Variants in CTNNA3 observed in about 807,000 individuals in gnomAD.
CTNNA3 encodes catenin alpha 3, also known as catenin alpha-3.
In CTNNA3, 76 loss-of-function variants were observed where a neutral mutation model predicts 95.7. The ratio of observed to expected loss-of-function variants is 0.79; its 90% CI spans 0.66 to 0.96. The LOEUF is 0.96. Among genes scored for constraint, CTNNA3 ranks in the 40% least tolerant of loss-of-function variants. The probability of loss-of-function intolerance (pLI) is 0.00; values close to 1 mark genes in which losing one functional copy is unlikely to be tolerated. For synonymous variants in CTNNA3, 431 were observed against 374.4 expected (o/e 1.15, Z -1.74); for missense variants, 1,191 against 1,089.8 (o/e 1.09, Z -1.31).
intron 7 of CTNNA3, among the ~76,000 whole-genome samples, chr10:66,778,339 A>T (rs1280318018): frequency 1.2e-4 from 18 of 152,098 alleles, no homozygotes; most frequent in Admixed American, 1.2e-3. Context: ...AAAGGCCCTC[A>T]TTCCTTCTTT....
rs144728682 is a variant in CTNNA3, at chr10:67,193,127, G to T, written c.844-12607C>A. Among the ~76,000 whole-genome samples, 389 of 152,084 alleles carry T rather than the reference G, an allele frequency of 2.6e-3. 3 individuals are homozygous for T. The highest frequency in any genetic ancestry group is 8.5e-3 in the African/African-American group (354 of 41,526). On this transcript the variant is annotated intron_variant, in intron 6 of 17. Coordinates refer to ENST00000433211, the MANE Select transcript of CTNNA3 (RefSeq NM_013266.4). ...GATGAGAGGGTGTGGGAAATGGGGA[G>T]ATGTTGACCAGTGGGGGCAAACTTT...
chr10:66,060,651 A>G (rs1005537667), intron 15 of CTNNA3, among the ~76,000 whole-genome samples: 2 of 152,076 alleles, frequency 1.3e-5, no homozygotes, highest in African/African-American at 4.8e-5. Flanking sequence ...AAACTTGGGG[A>G]TGAAGAGAGG....
At chr10:66,304,644 A>AG (rs1333707193) in intron 12 of CTNNA3, among the ~76,000 whole-genome samples, 1 of 152,172 alleles carries the variant, frequency 6.6e-6, no homozygotes, top group Non-Finnish European at 1.5e-5. Flanking sequence ...GATTAAAAAA[A>AG]TAAAATTTGA....
chr10:66,927,404 A>T lies in CTNNA3; in HGVS notation c.1048-151880T>A. The T allele has an allele frequency of 6.2e-7, 1 of 1,614,144 alleles. No homozygotes were observed. The highest frequency in any genetic ancestry group is 8.5e-7 in the Non-Finnish European group (1 of 1,180,028). On this transcript the variant is annotated intron_variant, in intron 7 of 17. Transcript: ENST00000433211. The surrounding 1 kb of genome is among the most constrained non-coding windows in gnomAD (Gnocchi z 4.7). ...GGCTTGCGGAAGCTGCTGAGTTTAC[A>T]TTTACGGTCTAACTCCCTGAGAACC...
chr10:66,449,814 T>C (rs1375346593), intron 11 of CTNNA3, among the ~76,000 whole-genome samples: 1 of 151,976 alleles, frequency 6.6e-6, no homozygotes, highest in Non-Finnish European at 1.5e-5. Flanking sequence ...CAAGAATACA[T>C]GCATTTCTTT....
intron 5 of CTNNA3, among the ~76,000 whole-genome samples, chr10:67,387,201 G>A (rs1033471894): frequency 1.4e-4 from 22 of 152,264 alleles, no homozygotes; most frequent in African/African-American, 4.8e-4. Context: ...GTGGGTGCGC[G>A]CACCGTGCAC....
At chr10:67,258,279 G>A (rs888502063) in intron 5 of CTNNA3, among the ~76,000 whole-genome samples, 41 of 152,088 alleles carry the variant, frequency 2.7e-4, no homozygotes, top group Middle Eastern at 3.4e-3. Flanking sequence ...GAGTAGCTGG[G>A]ACTACAGGTG....
intron 2 of CTNNA3, among the ~76,000 whole-genome samples, chr10:67,644,882 T>C (rs1309250970): frequency 6.6e-6 from 1 of 152,160 alleles, no homozygotes; most frequent in Admixed American, 6.6e-5. Context: ...TTTGAAAACA[T>C]TGACATCAAT....
intron 5 of CTNNA3, among the ~76,000 whole-genome samples, chr10:67,421,137 A>T (rs935113862): frequency 1.3e-5 from 2 of 152,220 alleles, no homozygotes; most frequent in Non-Finnish European, 1.5e-5. Flanking sequence ...ATCAAAAGAC[A>T]TCAATAAAAT....
At chr10:67,062,608 T>C (rs981373179) in intron 7 of CTNNA3, among the ~76,000 whole-genome samples, 2 of 152,172 alleles carry the variant, frequency 1.3e-5, no homozygotes, top group Non-Finnish European at 2.9e-5. Context: ...GGGAAACATC[T>C]GGATGACCTC....
intron 13 of CTNNA3, among the ~76,000 whole-genome samples, chr10:66,222,622 A>AAGAAAGAAAGAAAGAAAAAG (rs1554895442): frequency 3.1e-5 from 2 of 65,286 alleles, no homozygotes; most frequent in East Asian, 7.2e-4. Context: ...GAAAGAAAGA[A>AAGAAAGAAAGAAAGAAAAAG]AAAGAAAGAA....
Position 67,606,026 on chromosome 10 carries a change from T to C in CTNNA3, c.292+831A>G, listed in dbSNP as rs184572593. On this transcript the variant is annotated intron_variant, in intron 3 of 17. Transcript: ENST00000433211. ...CATGTGACATAAAGCTTATTGTTAC[T>C]AGTATATTCATTTTAATTATTTAAT... 3.3e-5 allele frequency among the ~76,000 whole-genome samples: 5 copies of C among 152,348 alleles called. No individual in the cohort carries two copies. In the East Asian group the frequency reaches 9.6e-4, roughly 29 times the overall value.
chr10:67,074,096 C>T (rs1226239112), intron 7 of CTNNA3, among the ~76,000 whole-genome samples: 3 of 128,744 alleles, frequency 2.3e-5, no homozygotes, highest in African/African-American at 6.1e-5. Context: ...AGTGCAGTGG[C>T]GCCATCTTGG....
chr10:66,052,976 A>C (rs556577525), intron 15 of CTNNA3, among the ~76,000 whole-genome samples: 5 of 152,104 alleles, frequency 3.3e-5, no homozygotes, highest in Non-Finnish European at 7.4e-5. Context: ...CTATGCATAG[A>C]ATATATTCAT....
At chr10:66,790,948 T>C (rs553217843) in intron 7 of CTNNA3, among the ~76,000 whole-genome samples, 4 of 152,112 alleles carry the variant, frequency 2.6e-5, no homozygotes, top group Non-Finnish European at 4.4e-5. Flanking sequence ...CTAGAATCCA[T>C]TCACTTTTAC....
At chr10:65,935,692 T>C (rs1394176966) in intron 17 of CTNNA3, among the ~76,000 whole-genome samples, 1 of 152,186 alleles carries the variant, frequency 6.6e-6, no homozygotes, top group Non-Finnish European at 1.5e-5. Context: ...ACGGAGAACA[T>C]TCATTTTCTA....
At chr10:67,163,204 T>C (rs1016801382) in intron 7 of CTNNA3, among the ~76,000 whole-genome samples, 6 of 152,054 alleles carry the variant, frequency 3.9e-5, no homozygotes, top group South Asian at 2.1e-4. Flanking sequence ...TTAATAGAGA[T>C]GAAAATATTT....
intron 10 of CTNNA3, among the ~76,000 whole-genome samples, chr10:66,573,128 G>C (rs964180383): frequency 6.6e-6 from 1 of 152,168 alleles, no homozygotes; most frequent in Non-Finnish European, 1.5e-5. Flanking sequence ...ATTATTTTCT[G>C]TGGCTCAGGT....
At chr10:66,127,848 G>A (rs957298408) in intron 13 of CTNNA3, among the ~76,000 whole-genome samples, 1 of 152,168 alleles carries the variant, frequency 6.6e-6, no homozygotes, top group East Asian at 1.9e-4. Context: ...AGGCCGAGGC[G>A]GGCGAATCAC....
Sources: gnomAD v4.1 joint callset for allele counts (sites outside exome capture counted in the v4.1 genomes callset) on GRCh38, gnomAD v4.1.1 for gene constraint, Gnocchi (gnomAD v3.1) non-coding constraint, MANE v1.5 for transcripts, NCBI Gene and HGNC (gene_info 2026-07-23, HGNC 2026-07-21) for gene names.